RGS9: variants seen among roughly 807,000 people sequenced by gnomAD.
The protein encoded by RGS9 is regulator of G-protein signalling 9.
In RGS9, 78 loss-of-function variants were observed where a neutral mutation model predicts 102.0. The ratio of observed to expected loss-of-function variants is 0.76; its 90% CI spans 0.64 to 0.92. The LOEUF (loss-of-function observed/expected upper bound fraction) is 0.92, where lower values mean the gene tolerates loss of function less well. Among genes scored for constraint, RGS9 ranks in the 40% least tolerant of loss-of-function variants. The pLI is 0.00. For missense variants in RGS9, 833 were observed against 866.1 expected (o/e 0.96, Z 0.48); for synonymous variants, 353 against 318.6 (o/e 1.11, Z -1.15).
intron 17 of RGS9, among the ~76,000 whole-genome samples, chr17:65,214,291 T>G (rs1318301699): frequency 2.6e-5 from 4 of 152,158 alleles, no homozygotes; most frequent in Admixed American, 1.3e-4. Flanking sequence ...ACCTTTTTTG[T>G]GTAAGAATCT....
intron 17 of RGS9, among the ~76,000 whole-genome samples, chr17:65,212,018 A>T (rs1473533057): frequency 6.6e-6 from 1 of 152,212 alleles, no homozygotes; most frequent in African/African-American, 2.4e-5. Context: ...GAGATGAGTG[A>T]GATGAGTTTT....
intron 10 of RGS9, 95 bp downstream of exon 10, chr17:65,189,410 A>C: frequency 1.1e-6 from 1 of 932,640 alleles, no homozygotes; most frequent in Non-Finnish European, 1.8e-6. Context: ...TAATGAAATG[A>C]AAACCACGTG....
intron 18 of RGS9, among the ~76,000 whole-genome samples, chr17:65,226,647 C>G (rs1478121062): frequency 6.7e-6 from 1 of 149,316 alleles, no homozygotes; most frequent in African/African-American, 2.5e-5. Context: ...GAGTTTTGCT[C>G]TGTAGTCCAA....
rs199539164 is a variant in RGS9, at chr17:65,161,253, G to GT, written c.423+352dup. Among the ~76,000 whole-genome samples the GT allele has an allele frequency of 9.3e-3, 1,408 of 151,984 alleles. 15 individuals carry two copies. Among genetic ancestry groups the GT allele is most frequent in the African/African-American group, 0.032 (1,343 of 41,448 alleles). On this transcript the variant is annotated intron_variant, in intron 6 of 18. Coordinates refer to ENST00000262406, the MANE Select transcript of RGS9 (RefSeq NM_003835.4). The stretch of plus-strand genomic sequence containing the variant: ...TGGTTAACAGATTTGAACTTGAATT[G>GT]TTTTTTTTGTTTTTTTGAGACAAGG...
At chr17:65,178,582 C>T (rs1008472428) in intron 9 of RGS9, among the ~76,000 whole-genome samples, 12 of 152,218 alleles carry the variant, frequency 7.9e-5, no homozygotes, top group South Asian at 2.1e-4. Context: ...TAGCTCACTG[C>T]AGCCTTGACC....
At chr17:65,213,493 A>C (rs1325391207) in intron 17 of RGS9, among the ~76,000 whole-genome samples, 1 of 152,102 alleles carries the variant, frequency 6.6e-6, no homozygotes, top group Non-Finnish European at 1.5e-5. Flanking sequence ...CATACCCAGC[A>C]GCCTGGTGGT....
At chr17:65,185,839 C>G (rs1443994401) in intron 9 of RGS9, among the ~76,000 whole-genome samples, 1 of 152,176 alleles carries the variant, frequency 6.6e-6, no homozygotes, top group South Asian at 2.1e-4. Flanking sequence ...CAAAGGGAGA[C>G]CCCCTAGAGG....
rs3034105 is a variant in RGS9 at position 65,176,710 on chromosome 17, ACCATCCATCCATCCAT to A, written c.583-994_583-979del. Among the ~76,000 whole-genome samples, 1,248 of 147,244 alleles carry A rather than the reference ACCATCCATCCATCCAT, an allele frequency of 8.5e-3. 14 individuals carry two copies. Among genetic ancestry groups the A allele is most frequent in the African/African-American group, 0.029 (1,126 of 39,378 alleles). The stretch of plus-strand genomic sequence containing the variant: ...ACTCATCCATCCATCTACTCACTCA[ACCATCCATCCATCCAT>A]CCATCCATCCATCCATCCATCCATC... On this transcript the variant is annotated intron_variant, in intron 8 of 18. Coordinates refer to ENST00000262406, the MANE Select transcript of RGS9 (RefSeq NM_003835.4).
chr17:65,221,916 T>A (rs1295139143), intron 17 of RGS9, among the ~76,000 whole-genome samples: 1 of 152,200 alleles, frequency 6.6e-6, no homozygotes, highest in Non-Finnish European at 1.5e-5. Context: ...TTCCTAATAC[T>A]ATCACCTGCA....
At position 65,173,258 on chromosome 17, in the gene RGS9, G is replaced by T. The variant is rs1911487968; in HGVS notation, c.583-4474G>T. Reference sequence around the variant, plus strand: ...TCTTTCCCCTGTCTTATTTTGTTTAGAAAACGAGTTAGTGTTTTACTTAGT... The same window carrying T: ...TCTTTCCCCTGTCTTATTTTGTTTATAAAACGAGTTAGTGTTTTACTTAGT... On this transcript the variant is annotated intron_variant, in intron 8 of 18. Transcript: ENST00000262406. This position sits in a 1 kb window ranked among gnomAD's most constrained non-coding sequence, Gnocchi z 4.8. Among the ~76,000 whole-genome samples the T allele has an allele frequency of 6.6e-6, 1 of 152,082 alleles. No individual in the cohort carries two copies. Among genetic ancestry groups the T allele is most frequent in the Non-Finnish European group, 1.5e-5 (1 of 68,006 alleles).
rs560190469 is a variant in RGS9 at position 65,196,998 on chromosome 17, T to C, written c.861-128T>C. 2.1e-4 allele frequency: 151 copies of C among 714,680 alleles called. No homozygotes were observed. The East Asian group carries it at 3.9e-3, about 18-fold the overall frequency. The allele number at this position is 714,680 out of a possible 1,614,324, so 44.3% of individuals were successfully genotyped here. Reference sequence around the variant, plus strand: ...AAGTGATTACTTGGCTTGTGTGTTATGCAGGGATTGGGAGGAGGAGGATTG... The same window carrying C: ...AAGTGATTACTTGGCTTGTGTGTTACGCAGGGATTGGGAGGAGGAGGATTG... On this transcript the variant is annotated intron_variant, in intron 12 of 18. Transcript: ENST00000262406.
chr17:65,150,218 C>T (rs1205722542), intron 1 of RGS9, among the ~76,000 whole-genome samples: 3 of 152,336 alleles, frequency 2.0e-5, no homozygotes, highest in Admixed American at 6.5e-5. Flanking sequence ...TTGTTTCCCG[C>T]TGCTGGTTCA....
chr17:65,190,091 G>A, intron 10 of RGS9, 84 bp from the exon 11 acceptor site: 3 of 1,107,244 alleles, frequency 2.7e-6, no homozygotes, highest in Admixed American at 1.7e-5. Flanking sequence ...CTGGGTAAAT[G>A]GCTTCTGGGT....
chr17:65,163,471 C>T (rs566007569), intron 7 of RGS9, among the ~76,000 whole-genome samples: 13 of 152,100 alleles, frequency 8.5e-5, no homozygotes, highest in East Asian at 1.9e-4. Context: ...GGATTACAGG[C>T]GTGAACCACT....
intron 7 of RGS9, among the ~76,000 whole-genome samples, chr17:65,166,339 A>C (rs1453127335): frequency 6.6e-6 from 1 of 152,124 alleles, no homozygotes; most frequent in Non-Finnish European, 1.5e-5. Context: ...AAATCACCAC[A>C]GAGGCCATCC....
intron 1 of RGS9, among the ~76,000 whole-genome samples, chr17:65,148,545 G>C (rs1010606600): frequency 6.6e-6 from 1 of 152,180 alleles, no homozygotes; most frequent in East Asian, 1.9e-4. Flanking sequence ...AGTGCACAGG[G>C]TTCCAATTTC....
rs1488133317 is a variant in RGS9 at position 65,168,261 on chromosome 17, T to G, written c.562T>G (p.Trp188Gly). The change falls in exon 8 of 19, where the codon TGG (tryptophan) becomes GGG (glycine). Residue 188 changes from tryptophan (W) to glycine (G), a missense_variant. Physicochemically the swap from Trp to Gly is radical, Grantham distance 184. Around this residue, in one of 3 missense-constraint regions of RGS9, gnomAD observed 328 missense variants for 340.6 expected, o/e 0.96. Coordinates refer to ENST00000262406, the MANE Select transcript of RGS9 (RefSeq NM_003835.4). Reference protein sequence around the residue: ...YALDCQEKAYWLVHRCPPGMD... With the variant: ...YALDCQEKAYGLVHRCPPGMD... Reference sequence around the variant, plus strand: ...CCTGGACTGCCAGGAGAAGGCATACTGGCTGGTGCACCGATGCCCTGTGAG... The same window carrying G: ...CCTGGACTGCCAGGAGAAGGCATACGGGCTGGTGCACCGATGCCCTGTGAG... 1.9e-6 allele frequency: 3 copies of G among 1,610,172 alleles called. No individual in the cohort carries two copies. Among genetic ancestry groups the G allele is most frequent in the Admixed American group, 1.7e-5 (1 of 59,702 alleles).
chr17:65,156,349 A>T (rs1232655996), intron 2 of RGS9, among the ~76,000 whole-genome samples: 1 of 152,160 alleles, frequency 6.6e-6, no homozygotes, highest in Non-Finnish European at 1.5e-5. Flanking sequence ...ATCTACTGTC[A>T]GTTGTGCACC....
chr17:65,180,011 C>T (rs1911807396), intron 9 of RGS9: 1 of 152,280 alleles, frequency 6.6e-6, no homozygotes, highest in Non-Finnish European at 1.5e-5. Context: ...TATCTATCTC[C>T]TGTCTGTGCA....
Sources: allele counts gnomAD v4.1 joint callset (sites outside exome capture counted in the v4.1 genomes callset), GRCh38; gene constraint gnomAD v4.1.1; regional missense constraint gnomAD v4.1.1; non-coding constraint Gnocchi (gnomAD v3.1); transcripts MANE v1.5; gene names NCBI Gene and HGNC (gene_info 2026-07-23, HGNC 2026-07-21).